Variants in CD40LG observed in about 807,000 individuals in gnomAD.
The protein encoded by CD40LG is CD40 ligand, also known as CD40 antigen ligand.
A neutral mutation model predicts 17.2 loss-of-function variants in CD40LG; 1 was observed. The ratio of observed to expected loss-of-function variants is 0.06; its 90% CI spans 0.02 to 0.28. CD40LG has a LOEUF of 0.28. Ranked by LOEUF, CD40LG falls within the 10% of genes least tolerant of loss-of-function variation. The pLI is 1.00. For synonymous variants in CD40LG, 66 were observed against 74.4 expected (o/e 0.89, Z 0.58); for missense variants, 133 against 193.2 (o/e 0.69, Z 1.85).
At chrX:136,651,273 A>T (rs2076103215) in intron 2 of CD40LG, among the ~76,000 whole-genome samples, 1 of 111,121 alleles carries the variant, frequency 9.0e-6, no homozygotes, top group Non-Finnish European at 1.9e-5. Context: ...CTTAGGGGTC[A>T]TTTCTAGGAG....
chrX:136,652,694 G>A (rs1386651858), intron 2 of CD40LG, among the ~76,000 whole-genome samples: 2 of 111,272 alleles, frequency 1.8e-5, no homozygotes, highest in African/African-American at 6.5e-5. Flanking sequence ...GTAAGCAGAG[G>A]TATTATTTTG....
chrX:136,656,494 T>TA, intron 4 of CD40LG, 76 bp downstream of exon 4: 1 of 842,561 alleles, frequency 1.2e-6, no homozygotes, highest in Non-Finnish European at 1.8e-6. Flanking sequence ...ACCTAATGGT[T>TA]AAACTCCTCT....
At chrX:136,656,335 C>T (rs375579155) in intron 3 of CD40LG, 21 bp from the exon 4 acceptor site, 1 of 1,190,803 alleles carries the variant, frequency 8.4e-7, no homozygotes, top group Non-Finnish European at 1.1e-6. Context: ...TTTAGCCTGA[C>T]AGTTTTTGGT....
In CD40LG at chrX:136,659,482, A is replaced by C. The variant is rs893448151; in HGVS notation, c.*67A>C. Reference sequence around the variant, plus strand: ...GTCTTCATAATACAGCACAGCGGTTAAGCCCACCCCCTGTTAACTGCCTAT... The same window carrying C: ...GTCTTCATAATACAGCACAGCGGTTCAGCCCACCCCCTGTTAACTGCCTAT... On this transcript the variant is annotated 3_prime_UTR_variant, in exon 5 of 5. Coordinates refer to ENST00000370629, the MANE Select transcript of CD40LG (RefSeq NM_000074.3). The C allele has an allele frequency of 1.8e-6, 2 of 1,092,465 alleles. No homozygotes were observed. The highest frequency in any genetic ancestry group is 3.6e-5 in the African/African-American group (2 of 55,046). 90.0% of individuals were successfully genotyped at this position (1,092,465 alleles called of 1,213,427 possible). A position where few individuals can be genotyped will look rare whatever the true frequency, so the allele number is the denominator to read the frequency against.
rs763998488 is a variant in CD40LG at position 136,648,506 on chromosome X, G to T, written c.156+102G>T. 53 of 732,936 alleles carry T rather than the reference G, an allele frequency of 7.2e-5. No homozygotes were observed. The South Asian group carries it at 1.1e-3, about 15-fold the overall frequency. The allele number at this position is 732,936 out of a possible 1,213,427, so 60.4% of individuals were successfully genotyped here. On this transcript the variant is annotated intron_variant, in intron 1 of 4. Transcript: ENST00000370629. The stretch of plus-strand genomic sequence containing the variant: ...GGATGATGGTAGAAACCAAATAGAA[G>T]AATGGTCTTGTGGCATAATGTTTGT...
chrX:136,657,236 G>C (rs2076121823), intron 4 of CD40LG, among the ~76,000 whole-genome samples: 1 of 111,612 alleles, frequency 9.0e-6, no homozygotes, highest in African/African-American at 3.3e-5. Context: ...AAGAGAGATG[G>C]ACAGAGAGAG....
chrX:136,654,545 T>A (rs1251859479), intron 3 of CD40LG, 115 bp downstream of exon 3: 1 of 553,545 alleles, frequency 1.8e-6, no homozygotes, highest in Non-Finnish European at 3.1e-6. Flanking sequence ...GCCCTGGAAA[T>A]AAAACAGGAA....
rs780110250 is a variant in CD40LG at position 136,649,794 on chromosome X, G to A, written c.157-472G>A. 2.7e-5 allele frequency among the ~76,000 whole-genome samples: 3 copies of A among 112,736 alleles called. No homozygotes were observed. In the South Asian group the frequency reaches 1.1e-3, roughly 41 times the overall value. ...ACAAATACTAAAGTTAAAAGGGAGA[G>A]AGATGTAATTAGAACTCGTTAACTG... On this transcript the variant is annotated intron_variant, in intron 1 of 4. Coordinates refer to ENST00000370629, the MANE Select transcript of CD40LG (RefSeq NM_000074.3).
At position 136,654,429 on chromosome X, in the gene CD40LG, A is replaced by C; in HGVS notation, c.345A>C (p.Lys115Asn). The stretch of plus-strand genomic sequence containing the variant: ...AAGAAAACAGCTTTGAAATGCAAAA[A>C]GGTAGGTTTGCTATTTGCTAATTTC... ...TKKENSFEMQ[K>N]GDQNPQIAAH... Residue 115 changes from lysine to asparagine, a missense_variant and splice_region_variant, in exon 3 of 5, where the codon AAA (lysine) becomes AAC (asparagine). Coordinates refer to ENST00000370629, the MANE Select transcript of CD40LG (RefSeq NM_000074.3). The C allele has an allele frequency of 8.4e-7, 1 of 1,184,454 alleles. No individual in the cohort carries two copies. Among genetic ancestry groups the C allele is most frequent in the Non-Finnish European group, 1.1e-6 (1 of 870,551 alleles).
At chrX:136,652,631 T>G (rs1368757371) in intron 2 of CD40LG, among the ~76,000 whole-genome samples, 1 of 111,450 alleles carries the variant, frequency 9.0e-6, no homozygotes, top group Non-Finnish European at 1.9e-5. Context: ...TGGAGGCAGG[T>G]AGCACTAATC....
At chrX:136,658,749 C>T (rs1156499239) in intron 4 of CD40LG, among the ~76,000 whole-genome samples, 1 of 111,762 alleles carries the variant, frequency 8.9e-6, no homozygotes, top group African/African-American at 3.3e-5. Context: ...GAAAGAAACT[C>T]ACTGTGATCT....
rs1239082936 is a variant in CD40LG at position 136,659,440 on chromosome X, T to C, written c.*25T>C. 1 of 1,203,491 alleles carries C rather than the reference T, an allele frequency of 8.3e-7. No homozygotes were observed. Among genetic ancestry groups the C allele is most frequent in the Non-Finnish European group, 1.1e-6 (1 of 892,614 alleles). ...AACAGTGTCACCTTGCAGGCTGTGG[T>C]GGAGCTGACGCTGGGAGTCTTCATA... On this transcript the variant is annotated 3_prime_UTR_variant, in exon 5 of 5. Transcript: ENST00000370629.
chrX:136,651,177 C>G (rs1027178130), intron 2 of CD40LG, among the ~76,000 whole-genome samples: 1 of 111,005 alleles, frequency 9.0e-6, no homozygotes, highest in African/African-American at 3.3e-5. Context: ...TCTAGGGGCT[C>G]TTTCTCCTGA....
intron 2 of CD40LG, among the ~76,000 whole-genome samples, chrX:136,650,764 C>G (rs1182782032): frequency 1.8e-5 from 2 of 111,421 alleles, no homozygotes; most frequent in African/African-American, 6.5e-5. Flanking sequence ...GAGTCTGATC[C>G]CCATTTCCCA....
chrX:136,648,457 A>G, intron 1 of CD40LG, 53 bp downstream of exon 1: 2 of 1,090,827 alleles, frequency 1.8e-6, no homozygotes, highest in South Asian at 1.8e-5. Flanking sequence ...TTACTAATTC[A>G]TAGGTTGGTT....
chrX:136,656,050 T>G (rs1368289515), intron 3 of CD40LG, among the ~76,000 whole-genome samples: 1 of 112,279 alleles, frequency 8.9e-6, no homozygotes, highest in Non-Finnish European at 1.9e-5. Flanking sequence ...GAGTTGTTCC[T>G]AAAAGCAAGA....
chrX:136,656,501 C>T, intron 4 of CD40LG, 83 bp downstream of exon 4: 1 of 808,208 alleles, frequency 1.2e-6, no homozygotes, highest in African/African-American at 2.0e-5. Context: ...GGTTAAACTC[C>T]TCTTTTCCCC....
intron 4 of CD40LG, among the ~76,000 whole-genome samples, chrX:136,658,000 C>A (rs2076123658): frequency 9.0e-6 from 1 of 111,416 alleles, no homozygotes; most frequent in East Asian, 2.8e-4. Flanking sequence ...TGAGAACCTG[C>A]CCTTTTTTTC....
chrX:136,655,549 G>C (rs2076116685), intron 3 of CD40LG, among the ~76,000 whole-genome samples: 1 of 111,879 alleles, frequency 8.9e-6, no homozygotes, highest in African/African-American at 3.3e-5. Flanking sequence ...TACAGGGATA[G>C]AGATACTATT....
Sources: allele counts gnomAD v4.1 joint callset (sites outside exome capture counted in the v4.1 genomes callset), GRCh38; gene constraint gnomAD v4.1.1; transcripts MANE v1.5; gene names NCBI Gene and HGNC (gene_info 2026-07-23, HGNC 2026-07-21).